Variants in QTMAN observed in about 807,000 individuals in gnomAD.
The protein encoded by QTMAN is queuosine-tRNA mannosyltransferase, also known as tRNA-queuosine alpha-mannosyltransferase.
At chr2:143,979,388 C>T in the QTMAN span, among the ~76,000 whole-genome samples, 2 of 152,142 alleles carry the variant, frequency 1.3e-5, no homozygotes, top group African/African-American at 4.8e-5. Flanking sequence ...TTTACAGCTG[C>T]ACGTGAATCT....
chr2:143,966,991 C>G, the QTMAN span, among the ~76,000 whole-genome samples: 1 of 152,208 alleles, frequency 6.6e-6, no homozygotes, highest in African/African-American at 2.4e-5. Context: ...AATGGTCCTG[C>G]AGTGATACAT....
chr2:144,302,913 C>T, the QTMAN span, among the ~76,000 whole-genome samples: 1 of 152,068 alleles, frequency 6.6e-6, no homozygotes, highest in South Asian at 2.1e-4. Flanking sequence ...ACCAGCCTGG[C>T]CACCATGGTG....
chr2:144,043,225 ATT>A, the QTMAN span, among the ~76,000 whole-genome samples: 2 of 131,030 alleles, frequency 1.5e-5, no homozygotes, highest in African/African-American at 7.0e-5. Flanking sequence ...ATATGTGTGA[ATT>A]TGTGTGTGTG....
the QTMAN span, chr2:144,208,568 A>T: frequency 5.7e-6 from 9 of 1,587,306 alleles, no homozygotes; most frequent in Non-Finnish European, 7.7e-6. Flanking sequence ...GTACTTTTTA[A>T]AAAACGCTGA....
At chr2:144,121,837 T>C in the QTMAN span, among the ~76,000 whole-genome samples, 11 of 152,166 alleles carry the variant, frequency 7.2e-5, no homozygotes, top group African/African-American at 2.7e-4. Flanking sequence ...TCCATAATTG[T>C]CTAAGTCCTT....
the QTMAN span, among the ~76,000 whole-genome samples, chr2:144,133,706 G>C: frequency 2.0e-5 from 3 of 148,578 alleles, no homozygotes; most frequent in East Asian, 5.9e-4. Flanking sequence ...GAGATTTCTT[G>C]ACAGTGAGTA....
chr2:144,121,505 A>T, the QTMAN span, among the ~76,000 whole-genome samples: 1 of 152,150 alleles, frequency 6.6e-6, no homozygotes, highest in Non-Finnish European at 1.5e-5. Context: ...GGGTATGCTT[A>T]AGTTGTTGCT....
At chr2:144,023,401 C>A in the QTMAN span, among the ~76,000 whole-genome samples, 7 of 152,174 alleles carry the variant, frequency 4.6e-5, no homozygotes, top group African/African-American at 1.4e-4. Flanking sequence ...AGTGCCCATG[C>A]AAACTCAAAT....
chr2:144,049,096 T>A, the QTMAN span, among the ~76,000 whole-genome samples: 1 of 152,126 alleles, frequency 6.6e-6, no homozygotes. Flanking sequence ...TTGACAGTTG[T>A]TGGGTTTTTC....
the QTMAN span, among the ~76,000 whole-genome samples, chr2:144,113,513 C>T: frequency 6.6e-6 from 1 of 151,932 alleles, no homozygotes; most frequent in African/African-American, 2.4e-5. Flanking sequence ...CCCAGAAGAA[C>T]AGAAGAAGGT....
the QTMAN span, among the ~76,000 whole-genome samples, chr2:144,083,802 G>A: frequency 9.1e-6 from 1 of 109,786 alleles, no homozygotes; most frequent in East Asian, 3.5e-4. Flanking sequence ...CACCCAGCCC[G>A]AAGTTTCTAT....
At chr2:144,168,622 A>G in the QTMAN span, among the ~76,000 whole-genome samples, 1 of 152,152 alleles carries the variant, frequency 6.6e-6, no homozygotes, top group African/African-American at 2.4e-5. Flanking sequence ...AATTTTTACA[A>G]TAAAAATTTA....
the QTMAN span, among the ~76,000 whole-genome samples, chr2:144,069,308 A>AC: frequency 2.0e-5 from 3 of 151,954 alleles, no homozygotes; most frequent in African/African-American, 7.2e-5. Flanking sequence ...AAAAAAAAAA[A>AC]AAAAACACCT....
the QTMAN span, among the ~76,000 whole-genome samples, chr2:144,279,161 T>G: frequency 1.3e-5 from 2 of 152,146 alleles, no homozygotes; most frequent in Non-Finnish European, 2.9e-5. Flanking sequence ...AACGACGTTA[T>G]GCAAATAAAT....
chr2:144,213,412 T>C, the QTMAN span, among the ~76,000 whole-genome samples: 6 of 152,164 alleles, frequency 3.9e-5, no homozygotes, highest in Admixed American at 3.3e-4. Context: ...AAGTATATCA[T>C]GTCAATTAAA....
At chr2:144,172,621 CAAAAAAAAAA>C in the QTMAN span, among the ~76,000 whole-genome samples, 20 of 51,366 alleles carry the variant, frequency 3.9e-4, no homozygotes, top group South Asian at 3.0e-3. Flanking sequence ...AAGACTCTGT[CAAAAAAAAAA>C]AAAAAAAAAA....
chr2:144,092,771 C>G, the QTMAN span, among the ~76,000 whole-genome samples: 2 of 151,944 alleles, frequency 1.3e-5, no homozygotes, highest in African/African-American at 4.8e-5. Flanking sequence ...ATAGGTCATA[C>G]AAATTCTTAT....
At chr2:144,326,586 C>CAAAAA in the QTMAN span, among the ~76,000 whole-genome samples, 2 of 43,732 alleles carry the variant, frequency 4.6e-5, no homozygotes, top group Admixed American at 4.3e-4. Context: ...GACTCCATCT[C>CAAAAA]AAAAAAAAAA....
At chr2:144,124,846 A>T in the QTMAN span, among the ~76,000 whole-genome samples, 1 of 152,130 alleles carries the variant, frequency 6.6e-6, no homozygotes, top group African/African-American at 2.4e-5. Context: ...TTTTGACATA[A>T]GGTTATATCT....
Sources: allele counts gnomAD v4.1 joint callset (sites outside exome capture counted in the v4.1 genomes callset), GRCh38; gene constraint gnomAD v4.1.1; transcripts MANE v1.5; gene names NCBI Gene and HGNC (gene_info 2026-07-23, HGNC 2026-07-21).